The following IGFL2 variants were observed in gnomAD, a reference collection of about 807,000 sequenced individuals.
IGFL2 encodes IGF like family member 2.
Under a neutral mutation model 13.9 loss-of-function variants are expected in IGFL2, and 7 were observed. The observed-to-expected ratio is 0.51, with a 90% CI of 0.29 to 0.95. The LOEUF is 0.95. IGFL2 is among the 40% of genes least tolerant of loss of function. The pLI is 0.08. For synonymous variants in IGFL2, 55 were observed against 55.8 expected (o/e 0.99, Z 0.07); for missense variants, 138 against 147.8 (o/e 0.93, Z 0.34).
the IGFL2 span, chr19:46,112,249 A>C: frequency 6.6e-6 from 1 of 152,226 alleles, no homozygotes; most frequent in Non-Finnish European, 1.5e-5. Flanking sequence ...TGTGCTTCAC[A>C]TTTATTTTGG....
chr19:46,200,290 C>T, the IGFL2 span, among the ~76,000 whole-genome samples: 1 of 151,774 alleles, frequency 6.6e-6, no homozygotes, highest in African/African-American at 2.4e-5. Flanking sequence ...TGCCTCAGCC[C>T]CTGAGTAGCT....
intron 1 of IGFL2, chr19:46,149,054 C>T (rs1430959231): frequency 6.3e-7 from 1 of 1,592,894 alleles, no homozygotes; most frequent in East Asian, 2.3e-5. Flanking sequence ...AAGGGCAGCC[C>T]AGGCAGTGGA....
the IGFL2 span, chr19:46,137,265 T>C: frequency 7.7e-7 from 1 of 1,292,602 alleles, no homozygotes; most frequent in East Asian, 2.3e-5. Context: ...CCATCCTTTC[T>C]CAGCATGTCA....
chr19:46,149,616 T>A (rs1973363536), intron 1 of IGFL2, among the ~76,000 whole-genome samples: 1 of 152,094 alleles, frequency 6.6e-6, no homozygotes, highest in Non-Finnish European at 1.5e-5. Context: ...TTCATATAAA[T>A]GGAATCACAC....
the IGFL2 span, among the ~76,000 whole-genome samples, chr19:46,107,293 T>C: frequency 6.6e-6 from 1 of 152,092 alleles, no homozygotes; most frequent in South Asian, 2.1e-4. Context: ...TCCAAGGTGA[T>C]CGGGCAGCGT....
chr19:46,160,198 C>G lies in IGFL2; in HGVS notation c.20-217C>G, dbSNP rs543008840. On this transcript the variant is annotated intron_variant, in intron 1 of 3. Coordinates refer to ENST00000377693, the MANE Select transcript of IGFL2 (RefSeq NM_001135113.2). ...TAAACGAAGATATTCCAAGAGTTTTCCCTGCATTCTCTTTCCTAGAAGGGT... is the reference window on the plus strand; with the variant it reads ...TAAACGAAGATATTCCAAGAGTTTTGCCTGCATTCTCTTTCCTAGAAGGGT... 2.8e-5 allele frequency: 16 copies of G among 572,990 alleles called. No homozygotes were observed. In the African/African-American group the frequency reaches 2.8e-4, roughly 10 times the overall value. 35.5% of individuals were successfully genotyped at this position (572,990 alleles called of 1,614,324 possible).
At chr19:46,185,431 C>T in the IGFL2 span, among the ~76,000 whole-genome samples, 3 of 152,176 alleles carry the variant, frequency 2.0e-5, no homozygotes, top group Non-Finnish European at 4.4e-5. Context: ...TTTAGGCACC[C>T]GCCTTCACTC....
chr19:46,121,633 C>A, the IGFL2 span, among the ~76,000 whole-genome samples: 1 of 150,634 alleles, frequency 6.6e-6, no homozygotes, highest in Non-Finnish European at 1.5e-5. Context: ...CACGTGACGA[C>A]TATCTGAGGT....
chr19:46,121,399 A>C, the IGFL2 span, among the ~76,000 whole-genome samples: 1 of 148,544 alleles, frequency 6.7e-6, no homozygotes, highest in Non-Finnish European at 1.5e-5. Flanking sequence ...GTCTTGAAAA[A>C]AAAAAAAAAA....
chr19:46,162,861 A>G (rs1292490185), downstream of IGFL2, among the ~76,000 whole-genome samples: 4 of 152,220 alleles, frequency 2.6e-5, no homozygotes, highest in Admixed American at 2.6e-4. Flanking sequence ...TTTGGAGGAC[A>G]TATGACCCTC....
At chr19:46,100,445 A>G in the IGFL2 span, among the ~76,000 whole-genome samples, 1 of 152,206 alleles carries the variant, frequency 6.6e-6, no homozygotes. Context: ...AGAAGTATAC[A>G]GTTTTCATGC....
chr19:46,202,348 T>C, the IGFL2 span, among the ~76,000 whole-genome samples: 1 of 152,308 alleles, frequency 6.6e-6, no homozygotes, highest in African/African-American at 2.4e-5. Context: ...TGGGGTCAAA[T>C]GCTGTTGCAG....
At chr19:46,137,080 C>T in the IGFL2 span, 49 of 1,601,430 alleles carry the variant, frequency 3.1e-5, no homozygotes, top group Middle Eastern at 8.3e-4. Flanking sequence ...CTGGGGAAGA[C>T]GGCTTAGGAG....
At chr19:46,171,252 G>A in the IGFL2 span, among the ~76,000 whole-genome samples, 1 of 152,068 alleles carries the variant, frequency 6.6e-6, no homozygotes, top group Admixed American at 6.5e-5. Flanking sequence ...AATTATCGGG[G>A]GCTGCTTCCC....
At chr19:46,154,850 G>A (rs1973726086) in intron 1 of IGFL2, among the ~76,000 whole-genome samples, 1 of 152,070 alleles carries the variant, frequency 6.6e-6, no homozygotes, top group Non-Finnish European at 1.5e-5. Context: ...TCTTAGGCAT[G>A]AACTTCTCCA....
chr19:46,203,498 AT>A, the IGFL2 span: 1 of 152,284 alleles, frequency 6.6e-6, no homozygotes, highest in Non-Finnish European at 1.5e-5. Context: ...GCTGTAGAGC[AT>A]TTAAGCAGGA....
chr19:46,128,526 C>T, the IGFL2 span, among the ~76,000 whole-genome samples: 1 of 152,088 alleles, frequency 6.6e-6, no homozygotes, highest in Non-Finnish European at 1.5e-5. Flanking sequence ...TCTTCAATAC[C>T]TAGTTTATTG....
chr19:46,153,925 C>A (rs1252031395), intron 1 of IGFL2, among the ~76,000 whole-genome samples: 3 of 151,570 alleles, frequency 2.0e-5, no homozygotes, highest in Non-Finnish European at 4.4e-5. Flanking sequence ...ACCTATCAAC[C>A]CGTCATCTAG....
the IGFL2 span, among the ~76,000 whole-genome samples, chr19:46,118,979 AC>A: frequency 2.0e-5 from 3 of 151,998 alleles, no homozygotes; most frequent in Non-Finnish European, 4.4e-5. Context: ...ACTCCCTTAT[AC>A]ATACTCAAGA....
Sources: allele counts gnomAD v4.1 joint callset (sites outside exome capture counted in the v4.1 genomes callset), GRCh38; gene constraint gnomAD v4.1.1; transcripts MANE v1.5; gene names NCBI Gene and HGNC (gene_info 2026-07-23, HGNC 2026-07-21).